NSDHL: variants seen among roughly 807,000 people sequenced by gnomAD.
NSDHL encodes the protein NAD(P) dependent 3-beta-hydroxysteroid dehydrogenase NSDHL, also known as sterol-4-alpha-carboxylate 3-dehydrogenase, decarboxylating.
In NSDHL, 1 loss-of-function variant was observed where a neutral mutation model predicts 23.0. The observed-to-expected ratio is 0.04, with a 90% CI of 0.02 to 0.21. The LOEUF is 0.21. Among genes scored for constraint, NSDHL ranks in the 10% least tolerant of loss-of-function variants. NSDHL has a pLI of 1.00. For missense variants in NSDHL, 237 were observed against 300.9 expected (o/e 0.79, Z 1.57); for synonymous variants, 128 against 121.1 (o/e 1.06, Z -0.37).
intron 1 of NSDHL, 26 bp downstream of exon 1, chrX:152,831,143 A>C (rs887922198): frequency 1.7e-5 from 4 of 239,063 alleles, no homozygotes; most frequent in Non-Finnish European, 2.9e-5. Context: ...TTGCCATTGG[A>C]GGTCACCCTG....
chrX:152,855,377 G>A (rs1471216470), intron 3 of NSDHL, among the ~76,000 whole-genome samples: 1 of 111,790 alleles, frequency 8.9e-6, no homozygotes, highest in Non-Finnish European at 1.9e-5. Flanking sequence ...CAAGCCGGTC[G>A]TTGTTCGTTT....
intron 2 of NSDHL, among the ~76,000 whole-genome samples, chrX:152,847,330 C>A (rs1441520287): frequency 9.0e-6 from 1 of 111,677 alleles, no homozygotes; most frequent in East Asian, 2.8e-4. Context: ...CAAAACAAAA[C>A]AAACAACGTA....
At position 152,869,123 on chromosome X, in the gene NSDHL, C is replaced by T; in HGVS notation, c.*7C>T. The T allele has an allele frequency of 8.4e-7, 1 of 1,187,667 alleles. No individual in the cohort carries two copies. The highest frequency in any genetic ancestry group is 1.1e-6 in the Non-Finnish European group (1 of 873,641). ...CCTGCGGAGGGTCAAGTGAGGGACA[C>T]TGGAGGCTGGGCTCTCTCGACACGT... is the stretch of plus-strand genomic sequence containing the variant. On this transcript the variant is annotated 3_prime_UTR_variant, in exon 8 of 8. Transcript: ENST00000370274.
intron 3 of NSDHL, among the ~76,000 whole-genome samples, chrX:152,855,316 A>G (rs1257261763): frequency 1.8e-5 from 2 of 111,772 alleles, no homozygotes; most frequent in Non-Finnish European, 3.8e-5. Flanking sequence ...TGACACTTTT[A>G]AAGTCACCTC....
chrX:152,850,986 C>T (rs1933347896), intron 3 of NSDHL, among the ~76,000 whole-genome samples: 1 of 112,016 alleles, frequency 8.9e-6, no homozygotes, highest in South Asian at 3.7e-4. Flanking sequence ...ATGGATTGGC[C>T]TCTTCTGGAC....
chrX:152,858,121 C>T (rs1399310549), intron 3 of NSDHL, among the ~76,000 whole-genome samples: 1 of 111,363 alleles, frequency 9.0e-6, no homozygotes, highest in Non-Finnish European at 1.9e-5. Context: ...CCTTCTTTGC[C>T]CAGTGGGAAC....
intron 1 of NSDHL, among the ~76,000 whole-genome samples, chrX:152,832,256 T>C (rs782583132): frequency 8.9e-6 from 1 of 111,764 alleles, no homozygotes; most frequent in Non-Finnish European, 1.9e-5. Flanking sequence ...CTTGCTCTAC[T>C]TTTTTTTCCA....
chrX:152,862,785 G>T, intron 5 of NSDHL, 61 bp downstream of exon 5: 1 of 1,085,576 alleles, frequency 9.2e-7, no homozygotes, highest in Non-Finnish European at 1.3e-6. Context: ...TAAGAAAAAT[G>T]TTTATGAACT....
intron 4 of NSDHL, among the ~76,000 whole-genome samples, chrX:152,861,653 T>C (rs1226698908): frequency 8.9e-6 from 1 of 112,991 alleles, no homozygotes; most frequent in African/African-American, 3.2e-5. Context: ...GGGATATGTT[T>C]CTGTTTATCT....
chrX:152,846,233 T>A (rs1933271293), intron 1 of NSDHL, 49 bp from the exon 2 acceptor site: 2 of 665,760 alleles, frequency 3.0e-6, no homozygotes, highest in Non-Finnish European at 5.0e-6. Context: ...CAACTAAAGA[T>A]GTTTTGACTT....
At position 152,834,013 on chromosome X, in the gene NSDHL, C is replaced by T. The variant is rs1038205133; in HGVS notation, c.-44+2896C>T. ...GTAGCTCTGAGGTAGGGAAGAAGGACGCTGTTTTACAGATAAGGCCTCATG... is the reference window on the plus strand; with the variant it reads ...GTAGCTCTGAGGTAGGGAAGAAGGATGCTGTTTTACAGATAAGGCCTCATG... On this transcript the variant is annotated intron_variant, in intron 1 of 7. Coordinates refer to ENST00000370274, the MANE Select transcript of NSDHL (RefSeq NM_015922.3). Among the ~76,000 whole-genome samples, 11 of 112,794 alleles carry T rather than the reference C, an allele frequency of 9.8e-5. No homozygotes were observed. The South Asian group carries it at 1.8e-3, about 18-fold the overall frequency.
At chrX:152,842,625 C>T (rs1317478130) in intron 1 of NSDHL, among the ~76,000 whole-genome samples, 3 of 111,685 alleles carry the variant, frequency 2.7e-5, no homozygotes, top group African/African-American at 9.8e-5. Flanking sequence ...CCTCAGCCTC[C>T]CGAGTAGTTG....
rs138956680 is a variant in NSDHL, at chrX:152,868,224, G to A, written c.789+551G>A. On this transcript the variant is annotated intron_variant, in intron 7 of 7. Coordinates refer to ENST00000370274, the MANE Select transcript of NSDHL (RefSeq NM_015922.3). ...GTGATCTCGGTTCACTGCAACCTCCGTCTCACTGGTTCAAGCGATTCTCAT... is the reference window on the plus strand; with the variant it reads ...GTGATCTCGGTTCACTGCAACCTCCATCTCACTGGTTCAAGCGATTCTCAT... 5.4e-3 allele frequency among the ~76,000 whole-genome samples: 569 copies of A among 106,038 alleles called. 3 individuals are homozygous for A. The highest frequency in any genetic ancestry group is 0.025 in the Middle Eastern group (5 of 202). 92.1% of individuals were successfully genotyped at this position (106,038 alleles called of 115,157 possible). A position where few individuals can be genotyped will look rare whatever the true frequency, so the allele number is the denominator to read the frequency against.
chrX:152,849,443 C>T (rs1411488598), intron 2 of NSDHL, among the ~76,000 whole-genome samples: 2 of 111,954 alleles, frequency 1.8e-5, no homozygotes, highest in East Asian at 5.6e-4. Context: ...CACAGTTTGG[C>T]ATCAACATCC....
At chrX:152,831,520 G>T (rs1556843410) in intron 1 of NSDHL, 1 of 127,008 alleles carries the variant, frequency 7.9e-6, no homozygotes, top group African/African-American at 3.2e-5. Context: ...GCCCAGGACG[G>T]TGAACTGGGG....
chrX:152,866,894 G>A (rs973108464), intron 6 of NSDHL, among the ~76,000 whole-genome samples: 9 of 112,014 alleles, frequency 8.0e-5, no homozygotes, highest in African/African-American at 2.9e-4. Flanking sequence ...AGGCTGGGAA[G>A]GTATTTGTGA....
intron 1 of NSDHL, among the ~76,000 whole-genome samples, chrX:152,836,967 CTT>C (rs1293108756): frequency 8.9e-6 from 1 of 112,019 alleles, no homozygotes; most frequent in African/African-American, 3.2e-5. Flanking sequence ...TTTGTGTCCT[CTT>C]TTATTTCGTT....
chrX:152,867,979 G>A (rs1556848320), intron 7 of NSDHL, among the ~76,000 whole-genome samples: 2 of 110,655 alleles, frequency 1.8e-5, no homozygotes, highest in South Asian at 7.8e-4. Flanking sequence ...AGGAGCCCAC[G>A]TAGATTGGGC....
chrX:152,862,565 A>T (rs1556847630), intron 4 of NSDHL, 31 bp from the exon 5 acceptor site: 17 of 1,187,461 alleles, frequency 1.4e-5, no homozygotes. Flanking sequence ...ATAATTTGTG[A>T]CTTTTATTTT....
Sources: allele counts gnomAD v4.1 joint callset (sites outside exome capture counted in the v4.1 genomes callset), GRCh38; gene constraint gnomAD v4.1.1; transcripts MANE v1.5; gene names NCBI Gene and HGNC (gene_info 2026-07-23, HGNC 2026-07-21).